The following KCNQ5 variants were observed in gnomAD, a reference collection of about 807,000 sequenced individuals.
The protein encoded by KCNQ5 is potassium voltage-gated channel subfamily Q member 5, also known as potassium voltage-gated channel subfamily KQT member 5.
Under a neutral mutation model 98.2 loss-of-function variants are expected in KCNQ5, and 30 were observed. The observed-to-expected ratio is 0.31, with a 90% CI of 0.23 to 0.41. KCNQ5 has a LOEUF of 0.41. Ranked by LOEUF, KCNQ5 falls within the 10% of genes least tolerant of loss-of-function variation. The pLI is 1.00. For missense variants in KCNQ5, 835 were observed against 1,182.5 expected (o/e 0.71, Z 4.31); for synonymous variants, 458 against 449.4 (o/e 1.02, Z -0.24).
Position 73,147,155 on chromosome 6 carries a change from C to T in KCNQ5, c.1468+13514C>T, listed in dbSNP as rs576823628. ...ACTGCCACTTTAATTTGTTCTCTCT[C>T]TCTCTTTAGGGTGGTAGAAATGATA... On this transcript the variant is annotated intron_variant, in intron 10 of 13. Transcript: ENST00000370398. Among the ~76,000 whole-genome samples, 10 of 152,216 alleles carry T rather than the reference C, an allele frequency of 6.6e-5. No homozygotes were observed. In the South Asian group the frequency reaches 2.1e-3, roughly 32 times the overall value.
chr6:72,751,419 C>T (rs1262513780), intron 1 of KCNQ5, among the ~76,000 whole-genome samples: 6 of 151,732 alleles, frequency 4.0e-5, no homozygotes, highest in East Asian at 1.9e-4. Flanking sequence ...CTTTAGATCA[C>T]GAGGGACCAA....
chr6:72,979,359 T>A (rs1033428138), intron 1 of KCNQ5, among the ~76,000 whole-genome samples: 3 of 152,246 alleles, frequency 2.0e-5, no homozygotes, highest in African/African-American at 7.2e-5. Context: ...TTTTTAATGA[T>A]CTCCATTCTA....
At chr6:73,061,587 A>T (rs1225162555) in intron 3 of KCNQ5, among the ~76,000 whole-genome samples, 1 of 152,190 alleles carries the variant, frequency 6.6e-6, no homozygotes, top group Non-Finnish European at 1.5e-5. Flanking sequence ...TAGGATTTCC[A>T]TGTGCACCTC....
chr6:72,990,585 C>T (rs1769046612), intron 1 of KCNQ5, among the ~76,000 whole-genome samples: 1 of 122,160 alleles, frequency 8.2e-6, no homozygotes, highest in African/African-American at 3.2e-5. Flanking sequence ...TCTAGATAAA[C>T]AATCATGTCG....
intron 1 of KCNQ5, among the ~76,000 whole-genome samples, chr6:72,658,578 A>ATATATATATATATATATT (rs1226386362): frequency 2.6e-5 from 2 of 76,380 alleles, no homozygotes; most frequent in African/African-American, 8.7e-5. Flanking sequence ...ATATATATAT[A>ATATATATATATATATATT]TTTTTTTTTT....
At chr6:73,143,024 C>T (rs1225302513) in intron 10 of KCNQ5, among the ~76,000 whole-genome samples, 3 of 152,156 alleles carry the variant, frequency 2.0e-5, no homozygotes, top group African/African-American at 7.2e-5. Flanking sequence ...CAATGTATGG[C>T]CCCTCTTCAG....
intron 1 of KCNQ5, among the ~76,000 whole-genome samples, chr6:72,906,814 C>T (rs1779717733): frequency 6.6e-6 from 1 of 152,142 alleles, no homozygotes; most frequent in East Asian, 1.9e-4. Context: ...TTCGAGTTTC[C>T]TGATTTATTC....
chr6:72,830,624 T>TA (rs1776215247), intron 1 of KCNQ5, among the ~76,000 whole-genome samples: 3 of 152,108 alleles, frequency 2.0e-5, no homozygotes, highest in Admixed American at 2.0e-4. Flanking sequence ...CTAAAAACCA[T>TA]AAAAACCCTA....
At chr6:72,933,138 G>A (rs2150231215) in intron 1 of KCNQ5, among the ~76,000 whole-genome samples, 1 of 152,174 alleles carries the variant, frequency 6.6e-6, no homozygotes, top group Middle Eastern at 3.4e-3. Flanking sequence ...ATATATTTTG[G>A]AGTATGATAA....
intron 5 of KCNQ5, 149 bp from the exon 6 acceptor site, chr6:73,105,108 C>T (rs1344875544): frequency 1.9e-5 from 9 of 485,382 alleles, no homozygotes; most frequent in Non-Finnish European, 3.3e-5. Flanking sequence ...TTCTGTCATG[C>T]GTCATGGAAA....
At chr6:72,981,866 A>C (rs983316269) in intron 1 of KCNQ5, among the ~76,000 whole-genome samples, 1 of 152,124 alleles carries the variant, frequency 6.6e-6, no homozygotes, top group Non-Finnish European at 1.5e-5. Flanking sequence ...CTTTGTTCTC[A>C]TTGCTTTCAA....
intron 1 of KCNQ5, among the ~76,000 whole-genome samples, chr6:72,931,603 G>A (rs991610856): frequency 6.6e-6 from 1 of 152,172 alleles, no homozygotes; most frequent in Non-Finnish European, 1.5e-5. Flanking sequence ...GTCAGCAGGT[G>A]GGAAAGCCAA....
intron 1 of KCNQ5, among the ~76,000 whole-genome samples, chr6:72,973,447 C>A (rs1768001276): frequency 6.6e-6 from 1 of 151,644 alleles, no homozygotes; most frequent in Admixed American, 6.6e-5. Flanking sequence ...TGTAGAAATC[C>A]TTTGAAAGGC....
chr6:72,736,587 C>T (rs1656383488), intron 1 of KCNQ5, among the ~76,000 whole-genome samples: 1 of 144,170 alleles, frequency 6.9e-6, no homozygotes, highest in Admixed American at 6.9e-5. Flanking sequence ...GCAAGCTCCG[C>T]CTCCCGGGTT....
chr6:72,885,361 C>T (rs1171952696), intron 1 of KCNQ5, among the ~76,000 whole-genome samples: 2 of 152,158 alleles, frequency 1.3e-5, no homozygotes, highest in Non-Finnish European at 2.9e-5. Context: ...AAAAATTCGA[C>T]ATTTACAAAA....
rs557873029 is a variant in KCNQ5, at chr6:73,100,600, C to T, written c.919-4657C>T. On this transcript the variant is annotated intron_variant, in intron 5 of 13. Transcript: ENST00000370398. ...AGGAGAATGGCGTGAACCCGGGAGG[C>T]GGAGCTTGCAGTGAGCCCAGATCAC... is the stretch of plus-strand genomic sequence containing the variant. Among the ~76,000 whole-genome samples the T allele has an allele frequency of 2.8e-4, 43 of 151,144 alleles. No homozygotes were observed. In the South Asian group the frequency reaches 8.0e-3, roughly 28 times the overall value.
At chr6:72,676,753 A>C (rs974737209) in intron 1 of KCNQ5, among the ~76,000 whole-genome samples, 3 of 112,702 alleles carry the variant, frequency 2.7e-5, no homozygotes, top group African/African-American at 9.3e-5. Flanking sequence ...TAAAATGCTG[A>C]TTAAAAATAT....
Position 72,984,030 on chromosome 6 carries a change from A to G in KCNQ5, c.399-19878A>G, listed in dbSNP as rs1210663863. ...GTGTCACCAGTGGAGGCTGCAGAAC[A>G]GCAAATATTGCAGACTAGCAAATAT... On this transcript the variant is annotated intron_variant, in intron 1 of 13. Coordinates refer to ENST00000370398, the MANE Select transcript of KCNQ5 (RefSeq NM_019842.4). Among the ~76,000 whole-genome samples the G allele has an allele frequency of 2.0e-5, 3 of 152,352 alleles. No individual in the cohort carries two copies. In the East Asian group the frequency reaches 5.8e-4, roughly 29 times the overall value.
At chr6:73,102,927 T>C (rs1774849337) in intron 5 of KCNQ5, among the ~76,000 whole-genome samples, 1 of 152,154 alleles carries the variant, frequency 6.6e-6, no homozygotes, top group Non-Finnish European at 1.5e-5. Context: ...AGAGCTACCA[T>C]GTGATCCAGC....
Sources: allele counts gnomAD v4.1 joint callset (sites outside exome capture counted in the v4.1 genomes callset), GRCh38; gene constraint gnomAD v4.1.1; transcripts MANE v1.5; gene names NCBI Gene and HGNC (gene_info 2026-07-23, HGNC 2026-07-21).